BCL2: variants seen among roughly 807,000 people sequenced by gnomAD.
The protein encoded by BCL2 is BCL2 apoptosis regulator.
BCL2 carries 1 observed loss-of-function variant against 14.2 expected under a neutral mutation model. That is an observed-to-expected ratio of 0.07 (90% CI 0.02 to 0.33). BCL2 has a LOEUF of 0.33. BCL2 is among the 10% of genes least tolerant of loss of function. The pLI is 0.99. For missense variants in BCL2, 247 were observed against 305.9 expected, an observed-to-expected ratio of 0.81 and a Z score of 1.44; for synonymous variants, 151 against 137.2, an observed-to-expected ratio of 1.10 and a Z score of -0.70.
chr18:63,131,705 A>G (rs1914074513), intron 2 of BCL2, among the ~76,000 whole-genome samples: 1 of 152,230 alleles, frequency 6.6e-6, no homozygotes, highest in African/African-American at 2.4e-5. Flanking sequence ...TTGGCTTGAC[A>G]TTGAGAAGGT....
intron 2 of BCL2, among the ~76,000 whole-genome samples, chr18:63,239,451 C>T (rs11152375): frequency 0.66 from 99,995 of 152,062 alleles, 35,250 homozygotes; most frequent in Non-Finnish European, 0.79. Flanking sequence ...TCTGGTGACA[C>T]AAAAATCAGG....
intron 2 of BCL2, among the ~76,000 whole-genome samples, chr18:63,146,472 C>T (rs1479323624): frequency 6.6e-6 from 1 of 152,230 alleles, no homozygotes; most frequent in Non-Finnish European, 1.5e-5. Context: ...GCCAGGCCTG[C>T]GATCCACGCT....
intron 2 of BCL2, among the ~76,000 whole-genome samples, chr18:63,165,534 G>A (rs1915022743): frequency 6.6e-6 from 1 of 152,142 alleles, no homozygotes; most frequent in Admixed American, 6.5e-5. Context: ...TGCTCAGCAG[G>A]CTCATCCACA....
At chr18:63,276,869 A>C (rs1263317766) in intron 2 of BCL2, among the ~76,000 whole-genome samples, 1 of 152,166 alleles carries the variant, frequency 6.6e-6, no homozygotes, top group East Asian at 1.9e-4. Context: ...CCTTTCTATT[A>C]CAGTTAAGGC....
chr18:63,265,145 C>T (rs1309115095), intron 2 of BCL2, among the ~76,000 whole-genome samples: 1 of 152,148 alleles, frequency 6.6e-6, no homozygotes. Flanking sequence ...AAAGTGAGCA[C>T]TCGAGTCCCA....
chr18:63,234,561 T>G (rs1167869426), intron 2 of BCL2, among the ~76,000 whole-genome samples: 2 of 152,214 alleles, frequency 1.3e-5, no homozygotes, highest in Non-Finnish European at 2.9e-5. Context: ...GGAACAGTCC[T>G]TGTTCCAACA....
At chr18:63,189,920 A>G (rs1178670425) in intron 2 of BCL2, among the ~76,000 whole-genome samples, 1 of 152,166 alleles carries the variant, frequency 6.6e-6, no homozygotes, top group Non-Finnish European at 1.5e-5. Flanking sequence ...GTTGTATTTG[A>G]ATTCTATAAA....
At chr18:63,209,967 T>C (rs1909955546) in intron 2 of BCL2, among the ~76,000 whole-genome samples, 2 of 152,176 alleles carry the variant, frequency 1.3e-5, no homozygotes, top group South Asian at 4.1e-4. Flanking sequence ...AATTGGTGCA[T>C]GATCCCCTCA....
intron 2 of BCL2, among the ~76,000 whole-genome samples, chr18:63,139,558 G>C (rs1226960880): frequency 6.6e-6 from 1 of 152,182 alleles, no homozygotes; most frequent in East Asian, 1.9e-4. Flanking sequence ...AAAGCACTTT[G>C]TGTCTTGTCT....
At chr18:63,258,873 C>A (rs552256452) in intron 2 of BCL2, among the ~76,000 whole-genome samples, 1 of 152,162 alleles carries the variant, frequency 6.6e-6, no homozygotes, top group Non-Finnish European at 1.5e-5. Context: ...GATTAAGAAC[C>A]GACTAAAGGG....
chr18:63,310,745 TC>T (rs1433553140), intron 2 of BCL2, among the ~76,000 whole-genome samples: 4 of 152,252 alleles, frequency 2.6e-5, no homozygotes, highest in African/African-American at 9.6e-5. Context: ...CTACCCCGGT[TC>T]CTGGGAACCC....
chr18:63,298,885 G>A (rs547856810), intron 2 of BCL2, among the ~76,000 whole-genome samples: 31 of 152,252 alleles, frequency 2.0e-4, no homozygotes, highest in Admixed American at 1.7e-3. Flanking sequence ...CACTTCTGGG[G>A]CCTTGAAAGC....
At chr18:63,179,308 G>A (rs1001044242) in intron 2 of BCL2, among the ~76,000 whole-genome samples, 67 of 152,202 alleles carry the variant, frequency 4.4e-4, no homozygotes, top group African/African-American at 1.5e-3. Context: ...CAGAAAAGGA[G>A]AGAATTTGAG....
intron 2 of BCL2, among the ~76,000 whole-genome samples, chr18:63,259,939 T>C (rs1057323572): frequency 3.9e-5 from 6 of 152,232 alleles, no homozygotes; most frequent in African/African-American, 1.4e-4. Flanking sequence ...TGCTTTCTAA[T>C]TGTCTCAGTT....
chr18:63,267,527 C>T (rs1213334927), intron 2 of BCL2, among the ~76,000 whole-genome samples: 1 of 152,078 alleles, frequency 6.6e-6, no homozygotes, highest in Non-Finnish European at 1.5e-5. Flanking sequence ...GACTGTGATG[C>T]AACTCACTGA....
At chr18:63,284,750 G>C (rs1160648550) in intron 2 of BCL2, among the ~76,000 whole-genome samples, 4 of 152,190 alleles carry the variant, frequency 2.6e-5, no homozygotes, top group African/African-American at 9.7e-5. Context: ...AAATGGCAAG[G>C]GGGAACCTTG....
At chr18:63,197,727 T>C (rs1909488056) in intron 2 of BCL2, among the ~76,000 whole-genome samples, 1 of 151,818 alleles carries the variant, frequency 6.6e-6, no homozygotes, top group Non-Finnish European at 1.5e-5. Context: ...CATAAGATGA[T>C]GTAATATTCA....
intron 2 of BCL2, among the ~76,000 whole-genome samples, chr18:63,136,898 G>C (rs1914222993): frequency 6.6e-6 from 1 of 152,186 alleles, no homozygotes; most frequent in South Asian, 2.1e-4. Context: ...GCACTGAAGT[G>C]GTAAAGGCCA....
chr18:63,177,568 G>A (rs992966773), intron 2 of BCL2, among the ~76,000 whole-genome samples: 6 of 152,332 alleles, frequency 3.9e-5, no homozygotes, highest in African/African-American at 1.4e-4. Flanking sequence ...TCCCTGGCGC[G>A]TTTAGACAAC....
Sources: allele counts gnomAD v4.1 joint callset (sites outside exome capture counted in the v4.1 genomes callset), GRCh38; gene constraint gnomAD v4.1.1; transcripts MANE v1.5; gene names NCBI Gene and HGNC (gene_info 2026-07-23, HGNC 2026-07-21).